The following DNAH9 variants were observed in gnomAD, a reference collection of about 807,000 sequenced individuals.
DNAH9 encodes the protein DNAH9 variant protein.
DNAH9 carries 345 observed loss-of-function variants against 471.6 expected under a neutral mutation model. The observed-to-expected ratio is 0.73, with a 90% CI of 0.67 to 0.80. DNAH9 has a LOEUF of 0.80. DNAH9 is among the 30% of genes least tolerant of loss of function. The probability of loss-of-function intolerance (pLI) is 0.00; values close to 1 mark genes in which losing one functional copy is unlikely to be tolerated. For missense variants in DNAH9, 5,407 were observed against 5,609.2 expected (o/e 0.96, Z 1.15); for synonymous variants, 2,093 against 2,123.6 (o/e 0.99, Z 0.40).
At chr17:11,684,174 G>T (rs1348147125) in intron 19 of DNAH9, among the ~76,000 whole-genome samples, 4 of 152,038 alleles carry the variant, frequency 2.6e-5, no homozygotes, top group African/African-American at 9.7e-5. Flanking sequence ...TTTCTCTGTG[G>T]ATGCAAGTTT....
At chr17:11,646,961 C>A in intron 11 of DNAH9, 111 bp from the exon 12 acceptor site, 1 of 1,087,042 alleles carries the variant, frequency 9.2e-7, no homozygotes, top group South Asian at 1.7e-5. Flanking sequence ...CTGACCCAGC[C>A]TGGTTGGGTC....
rs771090725 is a variant in DNAH9 at position 11,854,463 on chromosome 17, C to T, written c.9933+35C>T. 90 of 1,576,136 alleles carry T rather than the reference C, an allele frequency of 5.7e-5. 1 individual carries two copies. In the South Asian group the frequency reaches 7.1e-4, roughly 13 times the overall value. On this transcript the variant is annotated intron_variant, in intron 50 of 68. Coordinates refer to ENST00000262442, the MANE Select transcript of DNAH9 (RefSeq NM_001372.4). ...CCCAGAGCCCCTCACCCTGCTAGTC[C>T]GCCTCCAATACAAACAACGCTCTTC...
intron 50 of DNAH9, among the ~76,000 whole-genome samples, chr17:11,867,076 C>T (rs1972085330): frequency 6.6e-6 from 1 of 152,216 alleles, no homozygotes; most frequent in African/African-American, 2.4e-5. Flanking sequence ...AACCTGGTAC[C>T]TCAGATGGAA....
chr17:11,736,275 A>T (rs1430877458), intron 28 of DNAH9, among the ~76,000 whole-genome samples: 4 of 152,196 alleles, frequency 2.6e-5, no homozygotes, highest in Admixed American at 6.5e-5. Flanking sequence ...GTGCTCAAAA[A>T]TGTCAGTTAT....
intron 4 of DNAH9, 26 bp from the exon 5 acceptor site, chr17:11,617,385 T>C (rs1272325890): frequency 2.6e-6 from 4 of 1,568,516 alleles, no homozygotes; most frequent in Non-Finnish European, 3.5e-6. Context: ...CAGATGGGAA[T>C]GCTGACCATC....
chr17:11,715,412 A>G (rs544425524), intron 26 of DNAH9, among the ~76,000 whole-genome samples: 2 of 152,342 alleles, frequency 1.3e-5, no homozygotes, highest in South Asian at 4.1e-4. Context: ...TCAAACAATT[A>G]GAACCAGCCC....
At chr17:11,704,568 A>C (rs2074665074) in intron 25 of DNAH9, 126 bp downstream of exon 25, 2 of 817,866 alleles carry the variant, frequency 2.4e-6, no homozygotes, top group East Asian at 2.7e-5. Context: ...GGAGGATCAC[A>C]GTGGCTGCTC....
chr17:11,622,945 T>G (rs931156489), intron 6 of DNAH9, among the ~76,000 whole-genome samples: 1 of 150,094 alleles, frequency 6.7e-6, no homozygotes, highest in African/African-American at 2.5e-5. Context: ...GCCCAGCTGC[T>G]CCTTTTCTTT....
chr17:11,658,730 G>C (rs2150712384), intron 14 of DNAH9, among the ~76,000 whole-genome samples: 1 of 152,034 alleles, frequency 6.6e-6, no homozygotes, highest in East Asian at 1.9e-4. Flanking sequence ...TTTATCACAT[G>C]ATTTCTCTGC....
chr17:11,673,234 T>A (rs191702089), intron 17 of DNAH9, among the ~76,000 whole-genome samples: 50 of 152,334 alleles, frequency 3.3e-4, no homozygotes, highest in African/African-American at 1.1e-3. Context: ...CTGCCTCTCA[T>A]TTCACTGAGA....
chr17:11,914,607 T>C (rs1183865321), intron 61 of DNAH9, among the ~76,000 whole-genome samples: 1 of 152,292 alleles, frequency 6.6e-6, no homozygotes, highest in Middle Eastern at 3.4e-3. Context: ...AGTTTGATAG[T>C]TTTTCAAGGT....
At chr17:11,657,830 T>C (rs968007977) in intron 14 of DNAH9, among the ~76,000 whole-genome samples, 1 of 151,994 alleles carries the variant, frequency 6.6e-6, no homozygotes, top group African/African-American at 2.4e-5. Flanking sequence ...TGTTGAAAAT[T>C]GATTAATTGT....
At chr17:11,795,083 C>CAT (rs751360630) in intron 42 of DNAH9, among the ~76,000 whole-genome samples, 30 of 149,380 alleles carry the variant, frequency 2.0e-4, no homozygotes, top group East Asian at 7.8e-4. Flanking sequence ...TAAAAAAATA[C>CAT]ATATATATAT....
At chr17:11,829,663 G>T (rs550758756) in intron 48 of DNAH9, among the ~76,000 whole-genome samples, 3 of 152,074 alleles carry the variant, frequency 2.0e-5, no homozygotes, top group Non-Finnish European at 4.4e-5. Flanking sequence ...GTAGAGATGG[G>T]GGTCTCGCCA....
At chr17:11,646,644 T>A (rs1388313177) in intron 11 of DNAH9, among the ~76,000 whole-genome samples, 1 of 152,150 alleles carries the variant, frequency 6.6e-6, no homozygotes, top group Non-Finnish European at 1.5e-5. Flanking sequence ...CCGGGTGCAG[T>A]GGCTCAAGCG....
At chr17:11,680,702 A>G (rs1423547608) in intron 18 of DNAH9, 21 bp from the exon 19 acceptor site, 2 of 1,612,802 alleles carry the variant, frequency 1.2e-6, no homozygotes, top group Non-Finnish European at 1.7e-6. Context: ...GAATCTGACC[A>G]CACTGAGGTT....
chr17:11,837,460 T>C (rs1438698709), intron 49 of DNAH9, among the ~76,000 whole-genome samples: 1 of 152,126 alleles, frequency 6.6e-6, no homozygotes, highest in African/African-American at 2.4e-5. Flanking sequence ...TCCCATCCAA[T>C]CTATTAACAA....
At chr17:11,682,448 C>T (rs896036754) in intron 19 of DNAH9, among the ~76,000 whole-genome samples, 19 of 151,868 alleles carry the variant, frequency 1.3e-4, no homozygotes, top group African/African-American at 3.9e-4. Context: ...GATGGTTGCT[C>T]ACTCAGCCTG....
intron 26 of DNAH9, among the ~76,000 whole-genome samples, chr17:11,707,611 C>G (rs112484265): frequency 2.0e-5 from 3 of 152,054 alleles, no homozygotes; most frequent in African/African-American, 7.3e-5. Flanking sequence ...AACTGCTTCC[C>G]TCTTACTCTG....
Sources: gnomAD v4.1 joint callset for allele counts (sites outside exome capture counted in the v4.1 genomes callset) on GRCh38, gnomAD v4.1.1 for gene constraint, MANE v1.5 for transcripts, NCBI Gene and HGNC (gene_info 2026-07-23, HGNC 2026-07-21) for gene names.